The following ACOT13 variants were observed in gnomAD, a reference collection of about 807,000 sequenced individuals.
ACOT13 encodes the protein acyl-CoA thioesterase 13.
In ACOT13, 10 loss-of-function variants were observed where a neutral mutation model predicts 11.8. The ratio of observed to expected loss-of-function variants is 0.85; its 90% CI spans 0.53 to 1.44. The LOEUF (loss-of-function observed/expected upper bound fraction) is 1.44, where lower values mean the gene tolerates loss of function less well. Among genes scored for constraint, ACOT13 ranks in the 40% most tolerant of loss-of-function variants. ACOT13 has a pLI of 0.00. For missense variants in ACOT13, 172 were observed against 174.1 expected, an observed-to-expected ratio of 0.99 and a Z score of 0.07; for synonymous variants, 53 against 61.0, an observed-to-expected ratio of 0.87 and a Z score of 0.61.
intron 1 of ACOT13, among the ~76,000 whole-genome samples, chr6:24,674,495 G>C (rs533154340): frequency 6.6e-6 from 1 of 152,124 alleles, no homozygotes; most frequent in Non-Finnish European, 1.5e-5. Flanking sequence ...TGCAGCGTCT[G>C]CTTCCTGTGT....
Position 24,667,257 on chromosome 6 carries a change from G to A in ACOT13, c.-7G>A, listed in dbSNP as rs1369991226. The stretch of plus-strand genomic sequence containing the variant: ...CGCAAAGCCCAAAGGCTGGAAAACC[G>A]TCCACGATGACCAGCATGACTCAGT... On this transcript the variant is annotated 5_prime_UTR_variant, in exon 1 of 3. Coordinates refer to ENST00000230048, the MANE Select transcript of ACOT13 (RefSeq NM_018473.4). The A allele has an allele frequency of 6.2e-7, 1 of 1,613,890 alleles. No individual in the cohort carries two copies.
intron 2 of ACOT13, among the ~76,000 whole-genome samples, chr6:24,699,562 T>C (rs957121450): frequency 6.6e-6 from 1 of 152,246 alleles, no homozygotes; most frequent in Non-Finnish European, 1.5e-5. Context: ...TTAAGAAACA[T>C]TCAGTCCCTC....
Position 24,701,969 on chromosome 6 carries a change from G to C in ACOT13, c.*354G>C, listed in dbSNP as rs902317265. 6.2e-6 allele frequency: 1 copy of C among 162,466 alleles called. No homozygotes were observed. Among genetic ancestry groups the C allele is most frequent in the Non-Finnish European group, 1.3e-5 (1 of 74,852 alleles). The allele number at this position is 162,466 out of a possible 1,614,324, so 10.1% of individuals were successfully genotyped here. ...TAATGGTTCTAATTCTGTTTGGGCT[G>C]CTAGGAACAACAGAAATTTTTCATG... On this transcript the variant is annotated 3_prime_UTR_variant, in exon 3 of 3. Transcript: ENST00000230048.
chr6:24,669,837 GC>G (rs1778329498), intron 1 of ACOT13, among the ~76,000 whole-genome samples: 1 of 152,136 alleles, frequency 6.6e-6, no homozygotes, highest in Admixed American at 6.5e-5. Context: ...TATGAAAGTG[GC>G]TTATGCGTGT....
At chr6:24,683,509 C>G (rs1461673270) in intron 1 of ACOT13, among the ~76,000 whole-genome samples, 1 of 151,734 alleles carries the variant, frequency 6.6e-6, no homozygotes, top group African/African-American at 2.4e-5. Context: ...GCGCTCCAGC[C>G]TGGGTGGACA....
At chr6:24,681,629 G>T (rs1415078867) in intron 1 of ACOT13, among the ~76,000 whole-genome samples, 1 of 151,998 alleles carries the variant, frequency 6.6e-6, no homozygotes, top group Non-Finnish European at 1.5e-5. Context: ...AAGGGTAGTG[G>T]GGAACGGGTC....
chr6:24,698,724 G>A (rs1029783651), intron 2 of ACOT13, among the ~76,000 whole-genome samples: 3 of 147,636 alleles, frequency 2.0e-5, no homozygotes, highest in Non-Finnish European at 3.0e-5. Flanking sequence ...TTCAGCCTCC[G>A]CCTCTGGGGC....
At chr6:24,696,529 G>T (rs767764736) in intron 1 of ACOT13, among the ~76,000 whole-genome samples, 1 of 152,146 alleles carries the variant, frequency 6.6e-6, no homozygotes, top group Non-Finnish European at 1.5e-5. Flanking sequence ...ACCATTTAAT[G>T]CTTGAGACAT....
rs143310561 is a variant in ACOT13 at position 24,694,184 on chromosome 6, C to T, written c.82-3699C>T. Among the ~76,000 whole-genome samples the T allele has an allele frequency of 1.2e-3, 187 of 152,338 alleles. 1 individual carries two copies. The highest frequency in any genetic ancestry group is 3.6e-3 in the African/African-American group (150 of 41,566). ...AGCCATAAAAGTTCTTGCCAACCTA[C>T]TGCAATTGTCCAACCTGCAGGATCC... On this transcript the variant is annotated intron_variant, in intron 1 of 2. Coordinates refer to ENST00000230048, the MANE Select transcript of ACOT13 (RefSeq NM_018473.4).
intron 1 of ACOT13, among the ~76,000 whole-genome samples, chr6:24,680,449 G>A (rs999627468): frequency 6.6e-6 from 1 of 152,078 alleles, no homozygotes; most frequent in Non-Finnish European, 1.5e-5. Context: ...AGGGATGCCA[G>A]CACCCCTAGT....
rs377702145 is a variant in ACOT13 at position 24,690,722 on chromosome 6, C to T, written c.82-7161C>T. Reference sequence around the variant, plus strand: ...CTTCCCTAGGGCTTTGTTTTGCTTCCCATGGCATTAGTTTGCCAACTCTTG... The same window carrying T: ...CTTCCCTAGGGCTTTGTTTTGCTTCTCATGGCATTAGTTTGCCAACTCTTG... On this transcript the variant is annotated intron_variant, in intron 1 of 2. Transcript: ENST00000230048. Among the ~76,000 whole-genome samples the T allele has an allele frequency of 1.4e-4, 22 of 152,248 alleles. No individual in the cohort carries two copies. The South Asian group carries it at 4.6e-3, about 32-fold the overall frequency.
At chr6:24,680,046 G>A (rs1286703788) in intron 1 of ACOT13, among the ~76,000 whole-genome samples, 1 of 152,090 alleles carries the variant, frequency 6.6e-6, no homozygotes, top group Non-Finnish European at 1.5e-5. Context: ...TAAAAGGGGG[G>A]TCCCTTATTA....
chr6:24,691,630 C>T (rs1046218489), intron 1 of ACOT13, among the ~76,000 whole-genome samples: 7 of 152,050 alleles, frequency 4.6e-5, no homozygotes, highest in Admixed American at 2.6e-4. Context: ...GAAACAGTGA[C>T]GTTTCAATAA....
At chr6:24,689,734 T>C (rs1301087770) in intron 1 of ACOT13, among the ~76,000 whole-genome samples, 1 of 152,160 alleles carries the variant, frequency 6.6e-6, no homozygotes, top group Non-Finnish European at 1.5e-5. Context: ...TTTTTATTTT[T>C]ATAATTAAAA....
At chr6:24,689,858 G>T (rs1018295419) in intron 1 of ACOT13, among the ~76,000 whole-genome samples, 2 of 152,102 alleles carry the variant, frequency 1.3e-5, no homozygotes, top group Non-Finnish European at 2.9e-5. Context: ...AAGGAATGTG[G>T]CATAAACTCA....
In ACOT13 at chr6:24,701,650, T is replaced by A. The variant is rs1164287909; in HGVS notation, c.*35T>A. ...AGAATGACCTAAAGAAACCCAACAA[T>A]GAATATCAAGTATAGATTTGACTCA... On this transcript the variant is annotated 3_prime_UTR_variant, in exon 3 of 3. Transcript: ENST00000230048. 4 of 1,561,528 alleles carry A rather than the reference T, an allele frequency of 2.6e-6. No homozygotes were observed. In the African/African-American group the frequency reaches 5.5e-5, roughly 21 times the overall value.
In ACOT13 at chr6:24,701,713, A is replaced by C. The variant is rs62400786; in HGVS notation, c.*98A>C. 7.9e-7 allele frequency: 1 copy of C among 1,268,140 alleles called. No homozygotes were observed. The highest frequency in any genetic ancestry group is 1.1e-6 in the Non-Finnish European group (1 of 938,826). 78.6% of individuals were successfully genotyped at this position (1,268,140 alleles called of 1,614,324 possible). A position where few individuals can be genotyped will look rare whatever the true frequency, so the allele number is the denominator to read the frequency against. ...TTTTGAAATAAACTAGCAAAACCAG[A>C]AGCAGCTAGAAATATTCTTGGAGGA... On this transcript the variant is annotated 3_prime_UTR_variant, in exon 3 of 3. Coordinates refer to ENST00000230048, the MANE Select transcript of ACOT13 (RefSeq NM_018473.4).
At chr6:24,691,878 T>C (rs1778722924) in intron 1 of ACOT13, among the ~76,000 whole-genome samples, 1 of 152,220 alleles carries the variant, frequency 6.6e-6, no homozygotes, top group African/African-American at 2.4e-5. Context: ...TAACAATAGT[T>C]TCATCTGAAC....
chr6:24,701,494 T>G lies in ACOT13; in HGVS notation c.302T>G (p.Val101Gly). 9 of 1,613,130 alleles carry G rather than the reference T, an allele frequency of 5.6e-6. No homozygotes were observed. The highest frequency in any genetic ancestry group is 7.6e-6 in the Non-Finnish European group (9 of 1,179,446). ...MSPAKLGEDI[V>G]ITAHVLKQGK... ...CCTGCAAAATTAGGAGAAGATATAGTGATTACAGCACATGTTCTGAAGCAA... is the reference window on the plus strand; with the variant it reads ...CCTGCAAAATTAGGAGAAGATATAGGGATTACAGCACATGTTCTGAAGCAA... Residue 101 changes from valine to glycine, a missense_variant, in exon 3 of 3, where the codon GTG (valine) becomes GGG (glycine). By Grantham distance (109) the Val-to-Gly change is moderately radical (BLOSUM62 -3). Coordinates refer to ENST00000230048, the MANE Select transcript of ACOT13 (RefSeq NM_018473.4).
Sources: gnomAD v4.1 joint callset for allele counts (sites outside exome capture counted in the v4.1 genomes callset) on GRCh38, gnomAD v4.1.1 for gene constraint, MANE v1.5 for transcripts, NCBI Gene and HGNC (gene_info 2026-07-23, HGNC 2026-07-21) for gene names.